The following SDK1 variants were observed in gnomAD, a reference collection of about 807,000 sequenced individuals.
SDK1 encodes the protein sidekick cell adhesion molecule 1, also known as protein sidekick-1.
Under a neutral mutation model 245.5 loss-of-function variants are expected in SDK1, and 157 were observed. The ratio of observed to expected loss-of-function variants is 0.64; its 90% CI spans 0.56 to 0.73. The LOEUF (loss-of-function observed/expected upper bound fraction) is 0.73. Among genes scored for constraint, SDK1 ranks in the 30% least tolerant of loss-of-function variants. SDK1 has a pLI of 0.00. For missense variants in SDK1, 3,583 were observed against 3,002.3 expected (o/e 1.19, Z -4.52); for synonymous variants, 1,647 against 1,278.5 (o/e 1.29, Z -6.15).
intron 35 of SDK1, among the ~76,000 whole-genome samples, chr7:4,185,487 A>C (rs1782833938): frequency 6.6e-6 from 1 of 152,004 alleles, no homozygotes; most frequent in South Asian, 2.1e-4. Flanking sequence ...CCCCTCCTTG[A>C]GTATGTGCCC....
intron 1 of SDK1, among the ~76,000 whole-genome samples, chr7:3,511,029 A>G (rs1323423285): frequency 6.6e-6 from 1 of 152,138 alleles, no homozygotes; most frequent in African/African-American, 2.4e-5. Context: ...GTGAAAATGG[A>G]GGCTGTCACA....
At position 4,161,596 on chromosome 7, in the gene SDK1, C is replaced by G. The variant is rs528801317; in HGVS notation, c.4730-190C>G. Among the ~76,000 whole-genome samples, 9 of 152,198 alleles carry G rather than the reference C, an allele frequency of 5.9e-5. No homozygotes were observed. The South Asian group carries it at 1.0e-3, about 18-fold the overall frequency. On this transcript the variant is annotated intron_variant, in intron 31 of 44. Coordinates refer to ENST00000404826, the MANE Select transcript of SDK1 (RefSeq NM_152744.4). ...GGGCCATTGTTAAGGTTGGCTCCCT[C>G]CTATCCCGAGGACAGGCTTTGAAGG... is the stretch of plus-strand genomic sequence containing the variant.
rs529424717 is a variant in SDK1 at position 3,551,560 on chromosome 7, G to GT, written c.299-67507dup. Among the ~76,000 whole-genome samples the GT allele has an allele frequency of 3.7e-3, 529 of 143,554 alleles. 3 individuals carry two copies. Among genetic ancestry groups the GT allele is most frequent in the Non-Finnish European group, 3.5e-3 (230 of 65,164 alleles). 94.2% of individuals were successfully genotyped at this position (143,554 alleles called of 152,430 possible). On this transcript the variant is annotated intron_variant, in intron 1 of 44. Transcript: ENST00000404826. The stretch of plus-strand genomic sequence containing the variant: ...AAAGCTTGCTTTGCTTGCCTCATTG[G>GT]TTTTTTTTTTTTTAATTTTTCTGGA...
At chr7:3,676,322 C>CTTT in intron 4 of SDK1, among the ~76,000 whole-genome samples, 1 of 133,336 alleles carries the variant, frequency 7.5e-6, no homozygotes, top group Admixed American at 7.6e-5. Context: ...TCTTCTAGTA[C>CTTT]TTTTTTTTTT....
At chr7:3,632,649 G>C (rs941287329) in intron 2 of SDK1, among the ~76,000 whole-genome samples, 1 of 152,126 alleles carries the variant, frequency 6.6e-6, no homozygotes, top group Non-Finnish European at 1.5e-5. Flanking sequence ...TACAAATATT[G>C]TGTTCCCTTT....
chr7:3,945,854 G>A (rs143580818), intron 5 of SDK1, among the ~76,000 whole-genome samples: 4,942 of 122,576 alleles, frequency 0.04, 221 homozygotes, highest in African/African-American at 0.13. Flanking sequence ...ACCTGAGATC[G>A]TGCCACTGCA....
At chr7:4,075,481 T>C (rs1224068839) in intron 20 of SDK1, among the ~76,000 whole-genome samples, 2 of 152,170 alleles carry the variant, frequency 1.3e-5, no homozygotes, top group African/African-American at 4.8e-5. Flanking sequence ...CTGAGGTTAT[T>C]GACTAGAAAT....
chr7:4,198,967 C>G (rs148189228), intron 35 of SDK1, among the ~76,000 whole-genome samples: 1 of 152,038 alleles, frequency 6.6e-6, no homozygotes, highest in African/African-American at 2.4e-5. Flanking sequence ...GCACGCACCA[C>G]CACGCCTGGC....
rs113784544 is a variant in SDK1, at chr7:3,440,995, A to G, written c.298+139111A>G. Among the ~76,000 whole-genome samples, 53 of 152,328 alleles carry G rather than the reference A, an allele frequency of 3.5e-4. 1 individual carries two copies. Among genetic ancestry groups the G allele is most frequent in the African/African-American group, 8.9e-4 (37 of 41,574 alleles). On this transcript the variant is annotated intron_variant, in intron 1 of 44. Transcript: ENST00000404826. ...AGTGAGGGATAGTTACACAGATTCA[A>G]GAATACAGATAATCAGTAGTAGCCT...
In SDK1 at chr7:3,882,846, C is replaced by G. The variant is rs139304123; in HGVS notation, c.847+61263C>G. Among the ~76,000 whole-genome samples, 26 of 152,310 alleles carry G rather than the reference C, an allele frequency of 1.7e-4. No homozygotes were observed. In the East Asian group the frequency reaches 1.7e-3, roughly 10 times the overall value. ...AAAAATTCTATAATTTAGACATTCT[C>G]TGCTTCCTCTGAGTTACTCTATTGA... is the stretch of plus-strand genomic sequence containing the variant. On this transcript the variant is annotated intron_variant, in intron 5 of 44. Transcript: ENST00000404826.
At position 3,301,305 on chromosome 7, in the gene SDK1, C is replaced by G. The variant is rs1426640615; in HGVS notation, c.-282C>G. The G allele has an allele frequency of 6.8e-6, 1 of 146,806 alleles. No homozygotes were observed. Among genetic ancestry groups the G allele is most frequent in the Non-Finnish European group, 1.5e-5 (1 of 65,946 alleles). 9.1% of individuals were successfully genotyped at this position (146,806 alleles called of 1,614,324 possible). ...CGGCGGCGGCGGCGGCTCCTCCGCG[C>G]CCGGCGGACCCCTCGGAGCTAGCGC... is the stretch of plus-strand genomic sequence containing the variant. On this transcript the variant is annotated 5_prime_UTR_variant, in exon 1 of 45. Coordinates refer to ENST00000404826, the MANE Select transcript of SDK1 (RefSeq NM_152744.4).
chr7:3,615,940 A>C (rs554495436), intron 1 of SDK1, among the ~76,000 whole-genome samples: 1 of 151,300 alleles, frequency 6.6e-6, no homozygotes, highest in East Asian at 1.9e-4. Context: ...GCTGGAGTGC[A>C]GTGGCACAAT....
At chr7:3,969,133 C>T (rs1367462013) in intron 10 of SDK1, 124 bp from the exon 11 acceptor site, 17 of 847,690 alleles carry the variant, frequency 2.0e-5, no homozygotes, top group East Asian at 2.0e-4. Context: ...GATTGCAATT[C>T]GAGACGAGAC....
intron 1 of SDK1, among the ~76,000 whole-genome samples, chr7:3,519,737 A>G (rs896478988): frequency 2.6e-5 from 4 of 152,162 alleles, no homozygotes; most frequent in African/African-American, 9.6e-5. Context: ...TATTTCCACA[A>G]TAGAGGTTAT....
chr7:4,056,225 A>G (rs1388435991), intron 19 of SDK1, among the ~76,000 whole-genome samples: 1 of 149,684 alleles, frequency 6.7e-6, no homozygotes. Flanking sequence ...TATCCTATTT[A>G]GGATAATAAC....
At chr7:4,010,216 G>A (rs1785827086) in intron 14 of SDK1, among the ~76,000 whole-genome samples, 1 of 152,252 alleles carries the variant, frequency 6.6e-6, no homozygotes, top group African/African-American at 2.4e-5. Context: ...TCACTGCCAA[G>A]ACTTTGTTCA....
At chr7:3,445,504 A>G (rs571604336) in intron 1 of SDK1, among the ~76,000 whole-genome samples, 1 of 152,178 alleles carries the variant, frequency 6.6e-6, no homozygotes, top group African/African-American at 2.4e-5. Flanking sequence ...TTAACTTTTT[A>G]TTTTGAAATA....
chr7:3,926,762 T>G (rs1161418584), intron 5 of SDK1, among the ~76,000 whole-genome samples: 1 of 152,196 alleles, frequency 6.6e-6, no homozygotes, highest in Non-Finnish European at 1.5e-5. Context: ...GCACGGTGGT[T>G]CAGAACACAG....
At chr7:3,568,986 G>A (rs1002289830) in intron 1 of SDK1, among the ~76,000 whole-genome samples, 6 of 146,218 alleles carry the variant, frequency 4.1e-5, no homozygotes, top group Admixed American at 2.1e-4. Flanking sequence ...ATTTATTGCC[G>A]AATATTTAGT....
Sources: gnomAD v4.1 joint callset for allele counts (sites outside exome capture counted in the v4.1 genomes callset) on GRCh38, gnomAD v4.1.1 for gene constraint, MANE v1.5 for transcripts, NCBI Gene and HGNC (gene_info 2026-07-23, HGNC 2026-07-21) for gene names.